PLD5: variants seen among roughly 807,000 people sequenced by gnomAD.
PLD5 encodes the protein phospholipase D family member 5.
Under a neutral mutation model 61.1 loss-of-function variants are expected in PLD5, and 36 were observed. The observed-to-expected ratio is 0.59, with a 90% CI of 0.45 to 0.78. The LOEUF is 0.78. Among genes scored for constraint, PLD5 ranks in the 30% least tolerant of loss-of-function variants. PLD5 has a pLI of 0.00. For synonymous variants in PLD5, 243 were observed against 242.8 expected (o/e 1.00, Z -0.01); for missense variants, 515 against 644.4 (o/e 0.80, Z 2.17).
intron 1 of PLD5, among the ~76,000 whole-genome samples, chr1:242,415,182 G>A (rs1664752053): frequency 6.6e-6 from 1 of 152,162 alleles, no homozygotes; most frequent in Non-Finnish European, 1.5e-5. Context: ...TCCTGCAGAG[G>A]AGAATTTGGT....
intron 4 of PLD5, among the ~76,000 whole-genome samples, chr1:242,238,691 G>A (rs984398560): frequency 5.9e-5 from 9 of 152,196 alleles, no homozygotes; most frequent in African/African-American, 2.2e-4. Flanking sequence ...GAAACTTTGT[G>A]AAGTCATAGA....
intron 1 of PLD5, among the ~76,000 whole-genome samples, chr1:242,464,228 TTA>T (rs1316074073): frequency 6.6e-6 from 1 of 152,170 alleles, no homozygotes; most frequent in Non-Finnish European, 1.5e-5. Flanking sequence ...TTTGAGCCCT[TTA>T]TTGTCCCCTA....
intron 2 of PLD5, among the ~76,000 whole-genome samples, chr1:242,309,670 G>A (rs1574708623): frequency 2.6e-5 from 2 of 78,214 alleles, no homozygotes; most frequent in East Asian, 5.7e-4. Flanking sequence ...CACTGCACTT[G>A]GCCTATTTTT....
intron 7 of PLD5, among the ~76,000 whole-genome samples, chr1:242,109,738 C>T: frequency 6.6e-6 from 1 of 151,848 alleles, no homozygotes; most frequent in East Asian, 1.9e-4. Flanking sequence ...TGTGGGGAAA[C>T]TGAATATTTT....
chr1:242,149,288 G>A (rs1489584158), intron 5 of PLD5, among the ~76,000 whole-genome samples: 1 of 151,780 alleles, frequency 6.6e-6, no homozygotes, highest in East Asian at 1.9e-4. Flanking sequence ...TTTTGATACA[G>A]TATTTTACAC....
chr1:242,119,140 G>T (rs901795176), intron 6 of PLD5, among the ~76,000 whole-genome samples: 1 of 152,052 alleles, frequency 6.6e-6, no homozygotes, highest in Non-Finnish European at 1.5e-5. Context: ...GTTAATCTGG[G>T]TTTGTCTCTT....
chr1:242,477,012 G>A (rs1156922096), intron 1 of PLD5, among the ~76,000 whole-genome samples: 4 of 152,222 alleles, frequency 2.6e-5, no homozygotes, highest in African/African-American at 9.7e-5. Flanking sequence ...TACTTTGGGA[G>A]GCCGAGGTGG....
chr1:242,400,969 C>T (rs1663897869), intron 1 of PLD5, among the ~76,000 whole-genome samples: 1 of 152,194 alleles, frequency 6.6e-6, no homozygotes, highest in Non-Finnish European at 1.5e-5. Flanking sequence ...ATTTCTGGCC[C>T]TGGCCCCTCC....
At chr1:242,488,820 C>G (rs1453532813) in intron 1 of PLD5, among the ~76,000 whole-genome samples, 1 of 152,054 alleles carries the variant, frequency 6.6e-6, no homozygotes, top group Non-Finnish European at 1.5e-5. Context: ...ATAAGGGAAG[C>G]TGTCAGGGAA....
intron 5 of PLD5, among the ~76,000 whole-genome samples, chr1:242,157,424 G>A (rs1276401764): frequency 1.3e-5 from 2 of 152,202 alleles, no homozygotes; most frequent in Non-Finnish European, 2.9e-5. Context: ...TCCTTTGGAG[G>A]AGAAGAGGTG....
At position 242,395,063 on chromosome 1, in the gene PLD5, A is replaced by G. The variant is rs573222780; in HGVS notation, c.190-46821T>C. 4.0e-4 allele frequency among the ~76,000 whole-genome samples: 19 copies of G among 48,036 alleles called. 1 individual carries two copies. The highest frequency in any genetic ancestry group is 1.6e-3 in the African/African-American group (15 of 9,384). The allele number at this position is 48,036 out of a possible 152,430, so 31.5% of individuals were successfully genotyped here. On this transcript the variant is annotated intron_variant, in intron 1 of 9. Coordinates refer to ENST00000536534, the MANE Select transcript of PLD5 (RefSeq NM_001372062.1). ...TATATGTATATATGAATATATATGTATATATATGAATATATATGTATATAT... is the reference window on the plus strand; with the variant it reads ...TATATGTATATATGAATATATATGTGTATATATGAATATATATGTATATAT...
At chr1:242,352,573 G>A (rs1208198382) in intron 1 of PLD5, among the ~76,000 whole-genome samples, 1 of 152,142 alleles carries the variant, frequency 6.6e-6, no homozygotes, top group Admixed American at 6.5e-5. Flanking sequence ...CCCAAAGGTA[G>A]GACTGCTAGA....
At chr1:242,210,928 A>G (rs1211374378) in intron 5 of PLD5, 1 of 152,072 alleles carries the variant, frequency 6.6e-6, no homozygotes, top group East Asian at 1.9e-4. Context: ...ACCCTCTTAT[A>G]CTCTGTGAAG....
intron 1 of PLD5, among the ~76,000 whole-genome samples, chr1:242,494,359 C>A (rs1257939075): frequency 6.6e-6 from 1 of 152,116 alleles, no homozygotes; most frequent in Admixed American, 6.5e-5. Context: ...CTGCCACATG[C>A]AGGTCTGCAG....
chr1:242,223,451 C>G (rs760621823), intron 4 of PLD5, among the ~76,000 whole-genome samples: 1 of 152,106 alleles, frequency 6.6e-6, no homozygotes, highest in African/African-American at 2.4e-5. Context: ...TCAGGGAACC[C>G]CAAGTGAAGG....
chr1:242,204,717 G>T (rs1217950558), intron 5 of PLD5, among the ~76,000 whole-genome samples: 2 of 152,152 alleles, frequency 1.3e-5, no homozygotes, highest in Non-Finnish European at 2.9e-5. Flanking sequence ...ATTGCAGGGG[G>T]TCGGTATTAT....
chr1:242,358,738 A>G (rs1415477664), intron 1 of PLD5, among the ~76,000 whole-genome samples: 1 of 152,256 alleles, frequency 6.6e-6, no homozygotes, highest in East Asian at 1.9e-4. Flanking sequence ...ACCAAACGCT[A>G]TACTCAGTAT....
intron 1 of PLD5, among the ~76,000 whole-genome samples, chr1:242,371,877 T>C (rs1661656741): frequency 1.3e-5 from 2 of 152,086 alleles, no homozygotes; most frequent in Non-Finnish European, 2.9e-5. Flanking sequence ...GTTTTTTTTT[T>C]TAATTATACT....
At chr1:242,326,999 G>A (rs1474288973) in intron 2 of PLD5, among the ~76,000 whole-genome samples, 2 of 151,978 alleles carry the variant, frequency 1.3e-5, no homozygotes, top group Non-Finnish European at 2.9e-5. Context: ...CTGAGTAGCT[G>A]GGACTATAGG....
Sources: allele counts gnomAD v4.1 joint callset (sites outside exome capture counted in the v4.1 genomes callset), GRCh38; gene constraint gnomAD v4.1.1; transcripts MANE v1.5; gene names NCBI Gene and HGNC (gene_info 2026-07-23, HGNC 2026-07-21).